SYNPO2: variants seen among roughly 807,000 people sequenced by gnomAD.
SYNPO2 encodes the protein synaptopodin 2, also known as synaptopodin-2.
In SYNPO2, 56 loss-of-function variants were observed where a neutral mutation model predicts 85.0. The ratio of observed to expected loss-of-function variants is 0.66; its 90% CI spans 0.53 to 0.82. The LOEUF (loss-of-function observed/expected upper bound fraction) is 0.82. Among genes scored for constraint, SYNPO2 ranks in the 40% least tolerant of loss-of-function variants. The pLI, the probability that SYNPO2 is intolerant of heterozygous loss-of-function variation, is 0.00. For missense variants in SYNPO2, 1,575 were observed against 1,534.2 expected, an observed-to-expected ratio of 1.03 and a Z score of -0.44; for synonymous variants, 602 against 591.1, an observed-to-expected ratio of 1.02 and a Z score of -0.27.
intron 4 of SYNPO2, among the ~76,000 whole-genome samples, chr4:119,050,420 C>T (rs1358955429): frequency 6.6e-6 from 1 of 152,084 alleles, no homozygotes; most frequent in African/African-American, 2.4e-5. Context: ...GACTGCCTGC[C>T]TGGGTTCAAT....
chr4:118,935,453 T>C (rs531105565), intron 1 of SYNPO2, among the ~76,000 whole-genome samples: 1 of 152,386 alleles, frequency 6.6e-6, no homozygotes. Context: ...AAATTATCAG[T>C]ATTTAAATCA....
At chr4:118,878,927 T>G (rs1195912513) in intron 1 of SYNPO2, among the ~76,000 whole-genome samples, 2 of 152,202 alleles carry the variant, frequency 1.3e-5, no homozygotes, top group African/African-American at 4.8e-5. Context: ...CTACTGCTGT[T>G]CAGTTTTTGG....
At chr4:118,913,673 T>A (rs1358412980) in intron 1 of SYNPO2, among the ~76,000 whole-genome samples, 2 of 151,864 alleles carry the variant, frequency 1.3e-5, no homozygotes, top group East Asian at 3.9e-4. Context: ...TTGTGTGAGG[T>A]CTTTGTGTCA....
At chr4:118,909,903 A>G (rs1431940245) in intron 1 of SYNPO2, among the ~76,000 whole-genome samples, 1 of 152,196 alleles carries the variant, frequency 6.6e-6, no homozygotes, top group Non-Finnish European at 1.5e-5. Context: ...AAATGAGACG[A>G]CACCGCAGTT....
chr4:118,942,847 C>T (rs1245791287), intron 1 of SYNPO2, among the ~76,000 whole-genome samples: 1 of 152,140 alleles, frequency 6.6e-6, no homozygotes, highest in Non-Finnish European at 1.5e-5. Context: ...TGGCTCACAC[C>T]TATAATCCCA....
At chr4:119,040,039 G>T (rs1458105754) in intron 4 of SYNPO2, among the ~76,000 whole-genome samples, 1 of 152,112 alleles carries the variant, frequency 6.6e-6, no homozygotes, top group African/African-American at 2.4e-5. Flanking sequence ...CAATACCTCA[G>T]CTGTGAAACG....
At chr4:118,984,633 C>G (rs1267127451) in intron 1 of SYNPO2, among the ~76,000 whole-genome samples, 1 of 152,154 alleles carries the variant, frequency 6.6e-6, no homozygotes, top group Non-Finnish European at 1.5e-5. Flanking sequence ...GAAGTCCTAC[C>G]TTCCTTCCAG....
chr4:118,951,516 T>A (rs959986196), intron 1 of SYNPO2, among the ~76,000 whole-genome samples: 5 of 152,192 alleles, frequency 3.3e-5, no homozygotes, highest in African/African-American at 1.2e-4. Context: ...ACAATGCCAG[T>A]ACATGAAGAA....
chr4:119,032,929 T>TTTC, intron 4 of SYNPO2: 76 of 905,178 alleles, frequency 8.4e-5, no homozygotes, highest in East Asian at 1.2e-4. Flanking sequence ...AAAGGTTGAT[T>TTTC]CCCACCCTCC....
intron 1 of SYNPO2, among the ~76,000 whole-genome samples, chr4:118,972,079 C>T (rs1735560602): frequency 6.6e-6 from 1 of 152,148 alleles, no homozygotes; most frequent in Middle Eastern, 3.2e-3. Flanking sequence ...GTTATCCTAA[C>T]TTCTGACGAG....
intron 1 of SYNPO2, among the ~76,000 whole-genome samples, chr4:118,990,715 G>A (rs1183593713): frequency 6.6e-6 from 1 of 152,148 alleles, no homozygotes; most frequent in Non-Finnish European, 1.5e-5. Flanking sequence ...TTCAAGCGAT[G>A]CTCGTGCCTC....
At chr4:118,926,387 A>G (rs1378430447) in intron 1 of SYNPO2, among the ~76,000 whole-genome samples, 1 of 152,210 alleles carries the variant, frequency 6.6e-6, no homozygotes, top group African/African-American at 2.4e-5. Context: ...AGTGGAATAT[A>G]AAGATGTGAA....
intron 1 of SYNPO2, among the ~76,000 whole-genome samples, chr4:119,015,032 A>T (rs888477800): frequency 3.9e-4 from 59 of 152,372 alleles, no homozygotes; most frequent in African/African-American, 1.1e-3. Context: ...TGTACAGTTG[A>T]TACTTTTTAA....
At chr4:119,027,965 C>G (rs1245450594) in intron 3 of SYNPO2, among the ~76,000 whole-genome samples, 1 of 152,148 alleles carries the variant, frequency 6.6e-6, no homozygotes, top group African/African-American at 2.4e-5. Flanking sequence ...GTATACTGAG[C>G]AGTTACATGA....
chr4:118,877,269 A>C (rs942067432), intron 1 of SYNPO2, among the ~76,000 whole-genome samples: 2 of 152,196 alleles, frequency 1.3e-5, no homozygotes, highest in Non-Finnish European at 2.9e-5. Flanking sequence ...CTGGAAGATA[A>C]CCTAGGAAAT....
In SYNPO2 at chr4:119,007,261, T is replaced by TATATGTATATACATATATATGTATATAC. The variant is rs1560972460; in HGVS notation, c.106-16165_106-16164insGTATATACATATATATGTATATACATAT. On this transcript the variant is annotated intron_variant, in intron 1 of 4. Coordinates refer to ENST00000307142, the MANE Select transcript of SYNPO2 (RefSeq NM_133477.3). ...ATATATATATGTATATACATATATA[T>TATATGTATATACATATATATGTATATAC]ATATATATATATATGTATATACATA... Among the ~76,000 whole-genome samples the TATATGTATATACATATATATGTATATAC allele has an allele frequency of 8.8e-3, 258 of 29,356 alleles. 15 individuals are homozygous for TATATGTATATACATATATATGTATATAC. The highest frequency in any genetic ancestry group is 0.024 in the African/African-American group (244 of 10,086). The allele number at this position is 29,356 out of a possible 152,430, so 19.3% of individuals were successfully genotyped here.
chr4:118,897,848 C>T (rs1002449012), intron 1 of SYNPO2, among the ~76,000 whole-genome samples: 4 of 152,142 alleles, frequency 2.6e-5, no homozygotes, highest in Non-Finnish European at 4.4e-5. Context: ...CCAGTTAGGA[C>T]GGGAAGACAG....
At chr4:119,026,529 C>A in intron 2 of SYNPO2, 98 bp from the exon 3 acceptor site, 1 of 1,280,464 alleles carries the variant, frequency 7.8e-7, no homozygotes, top group South Asian at 1.7e-5. Flanking sequence ...AATATTTTGA[C>A]TATATCACAT....
chr4:118,914,548 A>G (rs1733247969), intron 1 of SYNPO2, among the ~76,000 whole-genome samples: 1 of 152,174 alleles, frequency 6.6e-6, no homozygotes, highest in African/African-American at 2.4e-5. Flanking sequence ...TTGTGGGTTC[A>G]ATGAAGAGGT....
Sources: allele counts gnomAD v4.1 joint callset (sites outside exome capture counted in the v4.1 genomes callset), GRCh38; gene constraint gnomAD v4.1.1; transcripts MANE v1.5; gene names NCBI Gene and HGNC (gene_info 2026-07-23, HGNC 2026-07-21).